KHDRBS2: variants seen among roughly 807,000 people sequenced by gnomAD.
KHDRBS2 encodes KH RNA binding domain containing, signal transduction associated 2.
Under a neutral mutation model 44.3 loss-of-function variants are expected in KHDRBS2, and 26 were observed. That is an observed-to-expected ratio of 0.59 (90% CI 0.43 to 0.81). The LOEUF (loss-of-function observed/expected upper bound fraction) is 0.81. Ranked by LOEUF, KHDRBS2 falls within the 40% of genes least tolerant of loss-of-function variation. The pLI, the probability that KHDRBS2 is intolerant of heterozygous loss-of-function variation, is 0.00. For synonymous variants in KHDRBS2, 194 were observed against 151.1 expected, an observed-to-expected ratio of 1.28 and a Z score of -2.08; for missense variants, 476 against 433.1, an observed-to-expected ratio of 1.10 and a Z score of -0.88.
At chr6:62,047,847 T>A in intron 3 of KHDRBS2, 31 bp downstream of exon 3, 1 of 1,387,348 alleles carries the variant, frequency 7.2e-7, no homozygotes. Context: ...ACCTCCTGAA[T>A]GTGGTAAATA....
chr6:61,832,468 C>A (rs1428364477), intron 6 of KHDRBS2, among the ~76,000 whole-genome samples: 3 of 152,046 alleles, frequency 2.0e-5, no homozygotes, highest in Non-Finnish European at 4.4e-5. Flanking sequence ...AAAGCTGCAA[C>A]CTGACATCAG....
intron 6 of KHDRBS2, among the ~76,000 whole-genome samples, chr6:61,872,845 A>G (rs1798862364): frequency 6.6e-6 from 1 of 152,152 alleles, no homozygotes; most frequent in South Asian, 2.1e-4. Flanking sequence ...TATAGAAAGA[A>G]AAACAGAGAC....
At chr6:61,814,586 C>A (rs569852105) in intron 6 of KHDRBS2, among the ~76,000 whole-genome samples, 1 of 152,046 alleles carries the variant, frequency 6.6e-6, no homozygotes, top group Admixed American at 6.6e-5. Flanking sequence ...AGCCTGGTGA[C>A]AGACTGAGAC....
At chr6:61,593,616 G>A in the KHDRBS2 span, among the ~76,000 whole-genome samples, 8 of 151,856 alleles carry the variant, frequency 5.3e-5, no homozygotes, top group Admixed American at 6.6e-5. Context: ...TTTGTATAAA[G>A]TGCAGCAAGA....
At chr6:61,902,484 C>G (rs780434089) in intron 4 of KHDRBS2, among the ~76,000 whole-genome samples, 2 of 150,642 alleles carry the variant, frequency 1.3e-5, no homozygotes, top group African/African-American at 4.9e-5. Context: ...GCCAGTATCA[C>G]CTGTTTCTCT....
chr6:61,655,225 TACAC>T, the KHDRBS2 span, among the ~76,000 whole-genome samples: 22,683 of 145,176 alleles, frequency 0.16, 1,956 homozygotes, highest in South Asian at 0.31. Flanking sequence ...CATACATACA[TACAC>T]ACACACACAC....
At chr6:61,970,882 G>C (rs1250444666) in intron 4 of KHDRBS2, among the ~76,000 whole-genome samples, 1 of 152,056 alleles carries the variant, frequency 6.6e-6, no homozygotes, top group Non-Finnish European at 1.5e-5. Context: ...TACTCCCCAA[G>C]CTGTAATTTG....
intron 1 of KHDRBS2, among the ~76,000 whole-genome samples, chr6:62,200,389 GA>G (rs1283427984): frequency 6.6e-6 from 1 of 151,908 alleles, no homozygotes; most frequent in Non-Finnish European, 1.5e-5. Context: ...AAATTTACAA[GA>G]AAAAAACAAA....
At chr6:62,073,275 C>T (rs1199527596) in intron 2 of KHDRBS2, among the ~76,000 whole-genome samples, 1 of 151,634 alleles carries the variant, frequency 6.6e-6, no homozygotes, top group Non-Finnish European at 1.5e-5. Context: ...ATTTTTTCTT[C>T]AGTCAGTTTT....
intron 2 of KHDRBS2, among the ~76,000 whole-genome samples, chr6:62,105,311 G>A (rs1802928747): frequency 6.6e-6 from 1 of 152,106 alleles, no homozygotes; most frequent in Non-Finnish European, 1.5e-5. Context: ...AACAGAAAAA[G>A]AAAATTCACA....
At chr6:61,957,556 G>A (rs1027404798) in intron 4 of KHDRBS2, among the ~76,000 whole-genome samples, 6 of 152,060 alleles carry the variant, frequency 3.9e-5, no homozygotes, top group East Asian at 1.9e-4. Flanking sequence ...AATAAGCCCC[G>A]GTCTCCCGTA....
chr6:61,848,944 A>T (rs1030491892), intron 6 of KHDRBS2, among the ~76,000 whole-genome samples: 1 of 151,980 alleles, frequency 6.6e-6, no homozygotes, highest in African/African-American at 2.4e-5. Context: ...TGCCGGAAAA[A>T]TTATCCAAAT....
chr6:62,180,057 T>A (rs1264145396), intron 1 of KHDRBS2, among the ~76,000 whole-genome samples: 1 of 151,790 alleles, frequency 6.6e-6, no homozygotes, highest in Non-Finnish European at 1.5e-5. Flanking sequence ...TCATTTTTTA[T>A]GACTGCATAG....
chr6:61,882,405 A>T (rs1800331962), intron 6 of KHDRBS2, among the ~76,000 whole-genome samples: 1 of 151,976 alleles, frequency 6.6e-6, no homozygotes, highest in Non-Finnish European at 1.5e-5. Flanking sequence ...AAGATGAAAA[A>T]ATAAAAAGCC....
chr6:62,189,959 A>G (rs111846679), intron 1 of KHDRBS2, among the ~76,000 whole-genome samples: 5 of 152,232 alleles, frequency 3.3e-5, no homozygotes, highest in Non-Finnish European at 7.4e-5. Context: ...TTGGGGGTTG[A>G]CATGTAAATG....
At chr6:61,565,717 A>G in the KHDRBS2 span, among the ~76,000 whole-genome samples, 1 of 152,158 alleles carries the variant, frequency 6.6e-6, no homozygotes. Context: ...GGGAATGTAA[A>G]TGTGGGAGAC....
chr6:61,659,150 C>T, the KHDRBS2 span: 1 of 151,478 alleles, frequency 6.6e-6, no homozygotes, highest in Non-Finnish European at 1.5e-5. Flanking sequence ...TCTTTTTTGG[C>T]CTATGGTAAG....
intron 1 of KHDRBS2, among the ~76,000 whole-genome samples, chr6:62,247,257 T>C (rs1320402579): frequency 6.6e-6 from 1 of 152,046 alleles, no homozygotes; most frequent in African/African-American, 2.4e-5. Context: ...ATTGTGTTTT[T>C]TGCCATTAAA....
intron 4 of KHDRBS2, among the ~76,000 whole-genome samples, chr6:61,966,301 T>C (rs1172713204): frequency 1.3e-5 from 2 of 152,028 alleles, no homozygotes; most frequent in Non-Finnish European, 2.9e-5. Flanking sequence ...GGCAAAATGA[T>C]CTGTACTTTT....
Sources: allele counts gnomAD v4.1 joint callset (sites outside exome capture counted in the v4.1 genomes callset), GRCh38; gene constraint gnomAD v4.1.1; transcripts MANE v1.5; gene names NCBI Gene and HGNC (gene_info 2026-07-23, HGNC 2026-07-21).